Variants in AFF1 observed in about 807,000 individuals in gnomAD.
The protein encoded by AFF1 is ALF transcription elongation factor 1, also known as AF4/FMR2 family member 1.
AFF1 carries 48 observed loss-of-function variants against 121.7 expected under a neutral mutation model. The observed-to-expected ratio is 0.39, with a 90% CI of 0.31 to 0.50. AFF1 has a LOEUF of 0.50. Ranked by LOEUF, AFF1 falls within the 20% of genes least tolerant of loss-of-function variation. The pLI is 0.76. For missense variants in AFF1, 1,523 were observed against 1,511.7 expected, an observed-to-expected ratio of 1.01 and a Z score of -0.12; for synonymous variants, 613 against 563.0, an observed-to-expected ratio of 1.09 and a Z score of -1.26.
chr4:86,946,581 C>T (rs540068481), intron 1 of AFF1, among the ~76,000 whole-genome samples: 4 of 151,722 alleles, frequency 2.6e-5, no homozygotes, highest in South Asian at 2.1e-4. Flanking sequence ...TTAGCAGAGA[C>T]GGGTCTTGTC....
At chr4:86,946,943 C>T (rs568725642) in intron 1 of AFF1, among the ~76,000 whole-genome samples, 78 of 152,244 alleles carry the variant, frequency 5.1e-4, no homozygotes, top group Middle Eastern at 3.4e-3. Flanking sequence ...TCTTCAGATG[C>T]CTCTACAGAA....
In AFF1 at chr4:87,136,196, G is replaced by A. The variant is rs554508111; in HGVS notation, c.*495G>A. 3.5e-5 allele frequency: 8 copies of A among 231,626 alleles called. No individual in the cohort carries two copies. The highest frequency in any genetic ancestry group is 6.0e-5 in the Non-Finnish European group (7 of 117,290). 14.3% of individuals were successfully genotyped at this position (231,626 alleles called of 1,614,324 possible). ...CTTTTGAGTTTTGGGAGAAATATTT[G>A]TTTAGTAACTTCTAATGGCCATCTG... On this transcript the variant is annotated 3_prime_UTR_variant, in exon 21 of 21. Coordinates refer to ENST00000395146, the MANE Select transcript of AFF1 (RefSeq NM_001166693.3).
At chr4:87,101,989 CA>C (rs1462915471) in intron 8 of AFF1, among the ~76,000 whole-genome samples, 17 of 152,234 alleles carry the variant, frequency 1.1e-4, no homozygotes, top group African/African-American at 3.9e-4. Context: ...TGTCTTCACA[CA>C]GTAGCAATCG....
intron 8 of AFF1, among the ~76,000 whole-genome samples, chr4:87,103,013 T>C (rs1725577418): frequency 6.6e-6 from 1 of 152,208 alleles, no homozygotes; most frequent in South Asian, 2.1e-4. Context: ...GGCCTAAAAA[T>C]CCTTCACCTG....
At position 87,036,861 on chromosome 4, in the gene AFF1, C is replaced by T. The variant is rs569677887; in HGVS notation, c.39-9305C>T. On this transcript the variant is annotated intron_variant, in intron 2 of 20. Transcript: ENST00000395146. ...ATCCCCCCTTTTTTTGAGACGGCTTCTTGCTCCATCGCTGAGGCTGGAGTG... is the reference window on the plus strand; with the variant it reads ...ATCCCCCCTTTTTTTGAGACGGCTTTTTGCTCCATCGCTGAGGCTGGAGTG... The T allele has an allele frequency of 2.3e-3, 1,034 of 453,718 alleles. 1 individual carries two copies. Among genetic ancestry groups the T allele is most frequent in the Non-Finnish European group, 3.7e-3 (877 of 234,496 alleles). The allele number at this position is 453,718 out of a possible 1,614,324, so 28.1% of individuals were successfully genotyped here. A position where few individuals can be genotyped will look rare whatever the true frequency, so the allele number is the denominator to read the frequency against.
chr4:87,131,970 C>G, intron 18 of AFF1, 106 bp downstream of exon 18: 2 of 1,026,070 alleles, frequency 1.9e-6, no homozygotes, highest in East Asian at 5.7e-5. Context: ...TTATGAAAAG[C>G]AAGTCAGTAC....
chr4:86,969,869 G>A (rs1722809966), intron 2 of AFF1, among the ~76,000 whole-genome samples: 2 of 26,594 alleles, frequency 7.5e-5, no homozygotes, highest in South Asian at 1.8e-3. Context: ...GGAAGAGCGA[G>A]ACTCCGTCTC....
chr4:87,122,359 T>G lies in AFF1; in HGVS notation c.2467-2678T>G, dbSNP rs188470180. ...CCCATCATTTCCAATTGATTGTTTT[T>G]CTCTCCACCATTATTCACTGTCTCT... On this transcript the variant is annotated intron_variant, in intron 12 of 20. Coordinates refer to ENST00000395146, the MANE Select transcript of AFF1 (RefSeq NM_001166693.3). 5.8e-4 allele frequency among the ~76,000 whole-genome samples: 89 copies of G among 152,328 alleles called. 1 individual carries two copies. Among genetic ancestry groups the G allele is most frequent in the Non-Finnish European group, 1.1e-3 (73 of 68,036 alleles).
intron 2 of AFF1, among the ~76,000 whole-genome samples, chr4:87,005,530 C>T (rs1430123894): frequency 6.6e-6 from 1 of 152,040 alleles, no homozygotes; most frequent in Non-Finnish European, 1.5e-5. Flanking sequence ...TTAATGTCTG[C>T]CAGATACCCA....
At chr4:87,093,841 A>G (rs959098661) in intron 7 of AFF1, among the ~76,000 whole-genome samples, 2 of 152,046 alleles carry the variant, frequency 1.3e-5, no homozygotes, top group African/African-American at 2.4e-5. Flanking sequence ...TTCACTTCCA[A>G]TTCTGTTTCA....
chr4:86,938,027 G>A (rs1720167260), intron 1 of AFF1, among the ~76,000 whole-genome samples: 1 of 152,170 alleles, frequency 6.6e-6, no homozygotes, highest in Non-Finnish European at 1.5e-5. Context: ...TTTTTGAAAA[G>A]CTGATGGAAG....
intron 2 of AFF1, among the ~76,000 whole-genome samples, chr4:87,033,733 T>C (rs528489977): frequency 6.6e-6 from 1 of 152,332 alleles, no homozygotes; most frequent in African/African-American, 2.4e-5. Context: ...TTTTCTTGTT[T>C]TCTGTGTGGG....
chr4:86,948,375 C>A (rs1187992254), intron 1 of AFF1, 123 bp from the exon 2 acceptor site: 1 of 621,074 alleles, frequency 1.6e-6, no homozygotes, highest in Non-Finnish European at 2.7e-6. Context: ...AATTGGAGAA[C>A]CATTTTCTAA....
chr4:87,017,904 AAATG>A (rs1727509834), intron 2 of AFF1, among the ~76,000 whole-genome samples: 1 of 150,898 alleles, frequency 6.6e-6, no homozygotes, highest in Non-Finnish European at 1.5e-5. Flanking sequence ...ACGTTAGTGA[AAATG>A]AATCATCTTT....
At chr4:86,935,432 C>G (rs907390930) in intron 1 of AFF1, 192 bp downstream of exon 1, 1 of 152,376 alleles carries the variant, frequency 6.6e-6, no homozygotes, top group African/African-American at 2.4e-5. Flanking sequence ...GCTCAGAGCT[C>G]TCACCGCCCT....
intron 8 of AFF1, among the ~76,000 whole-genome samples, chr4:87,103,510 TC>T (rs1429445738): frequency 1.3e-5 from 2 of 152,212 alleles, no homozygotes; most frequent in Non-Finnish European, 2.9e-5. Flanking sequence ...TTTGCAATCT[TC>T]CTTCAGAGAT....
chr4:86,947,074 G>C (rs191050743), intron 1 of AFF1, among the ~76,000 whole-genome samples: 12 of 152,298 alleles, frequency 7.9e-5, no homozygotes, highest in African/African-American at 2.4e-4. Flanking sequence ...TAGAGCTAGC[G>C]ATGCAGAGAA....
At chr4:87,118,976 T>A (rs574676813) in intron 12 of AFF1, among the ~76,000 whole-genome samples, 1 of 152,284 alleles carries the variant, frequency 6.6e-6, no homozygotes, top group South Asian at 2.1e-4. Flanking sequence ...TTCACTCTAG[T>A]GGTCCACGAC....
intron 2 of AFF1, among the ~76,000 whole-genome samples, chr4:87,030,218 G>C (rs1728934621): frequency 6.6e-6 from 1 of 152,142 alleles, no homozygotes; most frequent in African/African-American, 2.4e-5. Flanking sequence ...TGAAGGACCA[G>C]ATGGTAAATA....
Sources: gnomAD v4.1 joint callset for allele counts (sites outside exome capture counted in the v4.1 genomes callset) on GRCh38, gnomAD v4.1.1 for gene constraint, MANE v1.5 for transcripts, NCBI Gene and HGNC (gene_info 2026-07-23, HGNC 2026-07-21) for gene names.